The following RHBDL3 variants were observed in gnomAD, a reference collection of about 807,000 sequenced individuals.
The protein encoded by RHBDL3 is rhomboid-related protein 3.
RHBDL3 carries 28 observed loss-of-function variants against 48.2 expected under a neutral mutation model. The observed-to-expected ratio is 0.58, with a 90% CI of 0.43 to 0.80. The LOEUF is 0.80. RHBDL3 is among the 30% of genes least tolerant of loss of function. RHBDL3 has a pLI of 0.00. For missense variants in RHBDL3, 464 were observed against 542.7 expected, an observed-to-expected ratio of 0.85 and a Z score of 1.44; for synonymous variants, 208 against 232.3, an observed-to-expected ratio of 0.90 and a Z score of 0.95.
At chr17:32,315,857 A>C (rs910765684) in intron 7 of RHBDL3, among the ~76,000 whole-genome samples, 1 of 151,510 alleles carries the variant, frequency 6.6e-6, no homozygotes, top group African/African-American at 2.4e-5. Context: ...CAGGATTTTG[A>C]GCTCTTTTAT....
At chr17:32,281,987 T>A (rs1406711196) in intron 2 of RHBDL3, among the ~76,000 whole-genome samples, 2 of 152,210 alleles carry the variant, frequency 1.3e-5, no homozygotes, top group Non-Finnish European at 2.9e-5. Flanking sequence ...CACCTCCCCG[T>A]GCTAACTCTT....
Position 32,292,801 on chromosome 17 carries a change from C to CAAAAA in RHBDL3, c.520-1476_520-1472dup, listed in dbSNP as rs60403728. 8.5e-3 allele frequency among the ~76,000 whole-genome samples: 652 copies of CAAAAA among 77,158 alleles called. 25 individuals carry two copies. Among genetic ancestry groups the CAAAAA allele is most frequent in the African/African-American group, 0.031 (606 of 19,828 alleles). The allele number at this position is 77,158 out of a possible 152,430, so 50.6% of individuals were successfully genotyped here. On this transcript the variant is annotated intron_variant, in intron 4 of 8. Transcript: ENST00000269051. The stretch of plus-strand genomic sequence containing the variant: ...TGGGCGACAGAGCGAGACTCCACCT[C>CAAAAA]AAAAAAAAAAAAAAAAAAAAAGGAA...
chr17:32,272,821 T>C (rs1043636863), intron 2 of RHBDL3, among the ~76,000 whole-genome samples: 1 of 152,240 alleles, frequency 6.6e-6, no homozygotes, highest in Non-Finnish European at 1.5e-5. Flanking sequence ...CAGGTCGAAC[T>C]ACAGCTCTGC....
At position 32,267,908 on chromosome 17, in the gene RHBDL3, A is replaced by C. The variant is rs200493941; in HGVS notation, c.118A>C (p.Lys40Gln). 1 of 1,613,528 alleles carries C rather than the reference A, an allele frequency of 6.2e-7. No homozygotes were observed. The highest frequency in any genetic ancestry group is 2.2e-5 in the East Asian group (1 of 44,862). ...RLPAAPEDHW[K>Q]VLFDQFDPGN... Reference sequence around the variant, plus strand: ...TGGCCTCCCTCTCTGCCAGCACTGGAAAGTCCTGTTTGATCAGGTATGTGA... The same window carrying C: ...TGGCCTCCCTCTCTGCCAGCACTGGCAAGTCCTGTTTGATCAGGTATGTGA... The change falls in exon 2 of 9, where the codon AAA (lysine) becomes CAA (glutamine). Residue 40 changes from lysine (K) to glutamine (Q), a missense_variant. Transcript: ENST00000269051.
chr17:32,289,634 T>C (rs545083215), intron 4 of RHBDL3, among the ~76,000 whole-genome samples: 12 of 152,342 alleles, frequency 7.9e-5, no homozygotes, highest in African/African-American at 2.6e-4. Flanking sequence ...CCTATTGTTA[T>C]GCTAAATTCT....
intron 8 of RHBDL3, among the ~76,000 whole-genome samples, chr17:32,320,144 G>A (rs2150761892): frequency 6.6e-6 from 1 of 152,062 alleles, no homozygotes; most frequent in South Asian, 2.1e-4. Flanking sequence ...AGATGTGGTG[G>A]TGGGTGCCTG....
chr17:32,296,367 G>A lies in RHBDL3; in HGVS notation c.669-1725G>A, dbSNP rs1312355726. ...TTTTTTTTTTTTGAGATGGAGTCTC[G>A]TTGTGTCACCCAGGCTGGAGTGCAG... On this transcript the variant is annotated intron_variant, in intron 5 of 8. Transcript: ENST00000269051. Among the ~76,000 whole-genome samples, 14 of 117,950 alleles carry A rather than the reference G, an allele frequency of 1.2e-4. 1 individual carries two copies. Among genetic ancestry groups the A allele is most frequent in the South Asian group, 8.0e-4 (3 of 3,754 alleles). The allele number at this position is 117,950 out of a possible 152,430, so 77.4% of individuals were successfully genotyped here.
intron 2 of RHBDL3, among the ~76,000 whole-genome samples, chr17:32,270,212 C>T (rs2039741857): frequency 6.6e-6 from 1 of 150,554 alleles, no homozygotes; most frequent in Non-Finnish European, 1.5e-5. Context: ...CATGACACCT[C>T]TCAGAGTCCC....
At chr17:32,296,597 G>A (rs1160239956) in intron 5 of RHBDL3, among the ~76,000 whole-genome samples, 1 of 151,748 alleles carries the variant, frequency 6.6e-6, no homozygotes, top group Non-Finnish European at 1.5e-5. Flanking sequence ...GCCTCCCAAA[G>A]TGCCAGGATT....
intron 2 of RHBDL3, among the ~76,000 whole-genome samples, chr17:32,273,855 G>C (rs2039832657): frequency 6.6e-6 from 1 of 151,984 alleles, no homozygotes; most frequent in African/African-American, 2.4e-5. Context: ...CCTGCTTCAG[G>C]CTCCGAAGTA....
intron 3 of RHBDL3, among the ~76,000 whole-genome samples, chr17:32,286,119 A>G (rs1045997961): frequency 3.9e-5 from 6 of 152,072 alleles, no homozygotes; most frequent in Non-Finnish European, 8.8e-5. Context: ...TGTGACTTGG[A>G]ACCCAGCAGT....
At position 32,313,832 on chromosome 17, in the gene RHBDL3, C is replaced by T. The variant is rs576373232; in HGVS notation, c.883-2400C>T. On this transcript the variant is annotated intron_variant, in intron 7 of 8. Coordinates refer to ENST00000269051, the MANE Select transcript of RHBDL3 (RefSeq NM_138328.3). ...AGTGCAGTGGTGTGATCTCGGCTCA[C>T]TGCAAGCTCTGCCTCCCGAGTTCAC... is the stretch of plus-strand genomic sequence containing the variant. Among the ~76,000 whole-genome samples the T allele has an allele frequency of 2.1e-5, 3 of 141,196 alleles. No homozygotes were observed. The East Asian group carries it at 6.2e-4, about 29-fold the overall frequency. 92.6% of individuals were successfully genotyped at this position (141,196 alleles called of 152,430 possible).
intron 2 of RHBDL3, among the ~76,000 whole-genome samples, chr17:32,283,536 G>A (rs944578296): frequency 1.3e-5 from 2 of 151,264 alleles, no homozygotes; most frequent in Non-Finnish European, 2.9e-5. Flanking sequence ...TGTTAGCCAG[G>A]ATGGTCTCCA....
At chr17:32,266,928 C>T (rs988960572) in intron 1 of RHBDL3, among the ~76,000 whole-genome samples, 2 of 151,998 alleles carry the variant, frequency 1.3e-5, no homozygotes, top group Non-Finnish European at 2.9e-5. Context: ...GTCCCCTGGG[C>T]GAGGAGAGGG....
At position 32,288,970 on chromosome 17, in the gene RHBDL3, C is replaced by A. The variant is rs771054079; in HGVS notation, c.473C>A (p.Thr158Asn). 15 of 1,614,080 alleles carry A rather than the reference C, an allele frequency of 9.3e-6. No individual in the cohort carries two copies. The East Asian group carries it at 3.3e-4, about 36-fold the overall frequency. ...CGCAAGTGGTACTATGACAGCTACA[C>A]CTGCTGCCCCCCACCCTGGTTCATG... ...IDRKWYYDSYTCCPPPWFMIT... is the reference protein window; with the variant it reads ...IDRKWYYDSYNCCPPPWFMIT... The change falls in exon 4 of 9, where the codon ACC becomes AAC. Residue 158 changes from threonine to asparagine, a missense_variant. By Grantham distance (65) the Thr-to-Asn change is moderately conservative (BLOSUM62 0). Coordinates refer to ENST00000269051, the MANE Select transcript of RHBDL3 (RefSeq NM_138328.3).
At chr17:32,268,488 C>G (rs1320320953) in intron 2 of RHBDL3, among the ~76,000 whole-genome samples, 2 of 152,134 alleles carry the variant, frequency 1.3e-5, no homozygotes, top group African/African-American at 4.8e-5. Flanking sequence ...AGGTGTAGGG[C>G]ATGGAGTTGG....
intron 2 of RHBDL3, among the ~76,000 whole-genome samples, chr17:32,271,106 T>C (rs1388295550): frequency 6.6e-6 from 1 of 152,186 alleles, no homozygotes; most frequent in East Asian, 1.9e-4. Context: ...AGCTTTTCCT[T>C]CCTGATTCCT....
intron 8 of RHBDL3, among the ~76,000 whole-genome samples, chr17:32,319,057 G>A (rs1027186481): frequency 6.6e-6 from 1 of 151,846 alleles, no homozygotes; most frequent in Non-Finnish European, 1.5e-5. Flanking sequence ...CATAGCTTCT[G>A]CGTCTGCTTA....
chr17:32,275,120 G>C (rs2039866079), intron 2 of RHBDL3, among the ~76,000 whole-genome samples: 3 of 152,152 alleles, frequency 2.0e-5, no homozygotes, highest in Admixed American at 6.5e-5. Flanking sequence ...GCGGCCAGCA[G>C]TTTAGGCTGA....
Sources: gnomAD v4.1 joint callset for allele counts (sites outside exome capture counted in the v4.1 genomes callset) on GRCh38, gnomAD v4.1.1 for gene constraint, MANE v1.5 for transcripts, NCBI Gene and HGNC (gene_info 2026-07-23, HGNC 2026-07-21) for gene names.